Variants in DGKA observed in about 807,000 individuals in gnomAD.
DGKA encodes the protein diacylglycerol kinase alpha, also known as 80 kDa diacylglycerol kinase.
DGKA carries 35 observed loss-of-function variants against 105.0 expected under a neutral mutation model. That is an observed-to-expected ratio of 0.33 (90% CI 0.25 to 0.44). The LOEUF is 0.44. Ranked by LOEUF, DGKA falls within the 20% of genes least tolerant of loss-of-function variation. The probability of loss-of-function intolerance (pLI) is 1.00; values close to 1 mark genes in which losing one functional copy is unlikely to be tolerated. For missense variants in DGKA, 665 were observed against 915.0 expected (o/e 0.73, Z 3.53); for synonymous variants, 296 against 332.0 (o/e 0.89, Z 1.18).
rs1883923444 is a variant in DGKA, at chr12:55,932,843, A to C, written c.-82+1499A>C. 1 of 496,550 alleles carries C rather than the reference A, an allele frequency of 2.0e-6. No homozygotes were observed. The highest frequency in any genetic ancestry group is 3.4e-5 in the Admixed American group (1 of 29,390). The allele number at this position is 496,550 out of a possible 1,614,324, so 30.8% of individuals were successfully genotyped here. On this transcript the variant is annotated intron_variant, in intron 1 of 23. Coordinates refer to ENST00000331886, the MANE Select transcript of DGKA (RefSeq NM_001345.5). This position sits in a 1 kb window ranked among gnomAD's most constrained non-coding sequence, Gnocchi z 4.3. ...GATTCCCTCTTGAGGGCTACCTACT[A>C]GCAGCAACGGTCAGGGAGAGGAGGA...
intron 17 of DGKA, among the ~76,000 whole-genome samples, chr12:55,946,450 A>ATG (rs1268776617): frequency 6.6e-5 from 10 of 152,032 alleles, no homozygotes; most frequent in Non-Finnish European, 1.5e-4. Context: ...TCTGCCTCCC[A>ATG]GGTTCAAGTG....
rs773714429 is a variant in DGKA at position 55,938,683 on chromosome 12, A to G, written c.399+123A>G. ...GATGGGGGGAGAGGTTGAGTCCTCT[A>G]GGACTAAATTTGAAAGTAAGTCCCA... On this transcript the variant is annotated intron_variant, in intron 6 of 23. Transcript: ENST00000331886. 8.8e-6 allele frequency: 14 copies of G among 1,595,920 alleles called. No individual in the cohort carries two copies. In the African/African-American group the frequency reaches 1.7e-4, roughly 20 times the overall value.
At chr12:55,950,692 C>T (rs1887984834) in intron 17 of DGKA, among the ~76,000 whole-genome samples, 1 of 152,016 alleles carries the variant, frequency 6.6e-6, no homozygotes, top group African/African-American at 2.4e-5. Context: ...TCACCCGCCT[C>T]AGCCTCCCAA....
At chr12:55,936,745 C>T (rs1884803392) in intron 2 of DGKA, 178 bp downstream of exon 2, 1 of 986,808 alleles carries the variant, frequency 1.0e-6, no homozygotes, top group Non-Finnish European at 1.6e-6. Flanking sequence ...GAAAAAGATC[C>T]GGATCTACCA....
chr12:55,941,032 A>T (rs749522952), intron 13 of DGKA, 52 bp downstream of exon 13: 7 of 1,576,242 alleles, frequency 4.4e-6, no homozygotes. Flanking sequence ...TTTTCACTGG[A>T]GCCCTCATGG....
intron 1 of DGKA, chr12:55,936,051 G>A: frequency 1.0e-6 from 1 of 986,990 alleles, no homozygotes; most frequent in Non-Finnish European, 1.2e-6. Context: ...AGAGATTGAC[G>A]ATGGTGGAAG....
chr12:55,929,537 G>A (rs1392040522), upstream of DGKA: 1 of 152,284 alleles, frequency 6.6e-6, no homozygotes, highest in Non-Finnish European at 1.5e-5. Context: ...GACCTGCCTG[G>A]GACCCAACCC....
At chr12:55,927,896 C>T (rs1883226897), upstream of DGKA, 1 of 1,174,974 alleles carries the variant, frequency 8.5e-7, no homozygotes. Flanking sequence ...ACCCTGAGTG[C>T]CTCCTCGGGC....
chr12:55,927,641 G>C (rs1883219776), upstream of DGKA: 1 of 1,503,624 alleles, frequency 6.7e-7, no homozygotes, highest in African/African-American at 1.4e-5. Flanking sequence ...GAATTCGTGT[G>C]CCGATTGCTG....
At chr12:55,941,859 C>T (rs1886078491) in intron 15 of DGKA, 139 bp from the exon 16 acceptor site, 8 of 945,986 alleles carry the variant, frequency 8.5e-6, no homozygotes, top group East Asian at 4.9e-5. Context: ...TTTCTGTGAC[C>T]TTCATAGAAA....
Position 55,938,430 on chromosome 12 carries a change from CTT to C in DGKA, c.350-79_350-78del, listed in dbSNP as rs1220267895. The C allele has an allele frequency of 1.2e-5, 19 of 1,571,770 alleles. No individual in the cohort carries two copies. In the East Asian group the frequency reaches 4.1e-4, roughly 34 times the overall value. On this transcript the variant is annotated intron_variant, in intron 5 of 23. Coordinates refer to ENST00000331886, the MANE Select transcript of DGKA (RefSeq NM_001345.5). The stretch of plus-strand genomic sequence containing the variant: ...TCACCCAAAAGCTCTCTCCCTGTCT[CTT>C]TGTTTCCCCCATATTCTGGTATGAA...
intron 17 of DGKA, among the ~76,000 whole-genome samples, chr12:55,946,982 T>C (rs1887146319): frequency 6.8e-6 from 1 of 146,414 alleles, no homozygotes; most frequent in Admixed American, 6.8e-5. Flanking sequence ...CTTCCTTTCT[T>C]TCTTTTTTTT....
At chr12:55,930,689 T>C (rs929673225), upstream of DGKA, 6 of 152,242 alleles carry the variant, frequency 3.9e-5, no homozygotes, top group African/African-American at 1.4e-4. Flanking sequence ...TTTTTATGAT[T>C]GGGGGTGAGA....
chr12:55,932,169 A>C lies in DGKA; in HGVS notation c.-82+825A>C. On this transcript the variant is annotated intron_variant, in intron 1 of 23. Transcript: ENST00000331886. This position sits in a 1 kb window ranked among gnomAD's most constrained non-coding sequence, Gnocchi z 4.3. ...CCAGCGCCCCACCCTCCCCCATCGG[A>C]AAAGGACAGGGGTAGGGAAGCCGAG... 4.7e-6 allele frequency: 1 copy of C among 213,502 alleles called. No individual in the cohort carries two copies. The highest frequency in any genetic ancestry group is 5.3e-5 in the Admixed American group (1 of 18,986). The allele number at this position is 213,502 out of a possible 1,614,324, so 13.2% of individuals were successfully genotyped here. A position where few individuals can be genotyped will look rare whatever the true frequency, so the allele number is the denominator to read the frequency against.
Position 55,950,572 on chromosome 12 carries a change from C to T in DGKA, c.1427-1051C>T, listed in dbSNP as rs551123796. Reference sequence around the variant, plus strand: ...CCGCCCGCCTCGGCCTCCCAAAGTACTGGGATTACAGGTGTGAGCCACTGA... The same window carrying T: ...CCGCCCGCCTCGGCCTCCCAAAGTATTGGGATTACAGGTGTGAGCCACTGA... On this transcript the variant is annotated intron_variant, in intron 17 of 23. Coordinates refer to ENST00000331886, the MANE Select transcript of DGKA (RefSeq NM_001345.5). 3.9e-5 allele frequency among the ~76,000 whole-genome samples: 6 copies of T among 152,234 alleles called. No homozygotes were observed. In the South Asian group the frequency reaches 1.2e-3, roughly 32 times the overall value.
intron 14 of DGKA, 66 bp downstream of exon 14, chr12:55,941,391 G>A: frequency 6.3e-7 from 1 of 1,590,220 alleles, no homozygotes; most frequent in Non-Finnish European, 8.6e-7. Context: ...CTTAGAAGGT[G>A]GAAGGGGATG....
Position 55,932,272 on chromosome 12 carries a change from G to C in DGKA, c.-82+928G>C. The C allele has an allele frequency of 2.0e-6, 1 of 503,916 alleles. No individual in the cohort carries two copies. Among genetic ancestry groups the C allele is most frequent in the Non-Finnish European group, 3.6e-6 (1 of 276,172 alleles). The allele number at this position is 503,916 out of a possible 1,614,324, so 31.2% of individuals were successfully genotyped here. On this transcript the variant is annotated intron_variant, in intron 1 of 23. Coordinates refer to ENST00000331886, the MANE Select transcript of DGKA (RefSeq NM_001345.5). This position sits in a 1 kb window ranked among gnomAD's most constrained non-coding sequence, Gnocchi z 4.3. ...CTGGAGCGGGTATCGAGAAGGGTCTGCGCTGGGACGCGGGGGTGCAGCGGG... is the reference window on the plus strand; with the variant it reads ...CTGGAGCGGGTATCGAGAAGGGTCTCCGCTGGGACGCGGGGGTGCAGCGGG...
intron 9 of DGKA, chr12:55,939,742 A>G: frequency 3.3e-6 from 2 of 605,808 alleles, no homozygotes; most frequent in South Asian, 2.0e-5. Context: ...TTGGTGCAAG[A>G]AAAGTGCTTC....
Position 55,951,878 on chromosome 12 carries a change from C to CTGTG in DGKA, c.1587+96_1587+99dup. On this transcript the variant is annotated intron_variant, in intron 18 of 23. Transcript: ENST00000331886. ...GAAAAGGAGGGGGAGGTTAAGTGACCTGTGACACAGGGAAATTGGGAGTGC... is the reference window on the plus strand; with the variant it reads ...GAAAAGGAGGGGGAGGTTAAGTGACCTGTGTGTGACACAGGGAAATTGGGAGTGC... 5.2e-6 allele frequency: 8 copies of CTGTG among 1,535,944 alleles called. No individual in the cohort carries two copies. In the South Asian group the frequency reaches 9.5e-5, roughly 18 times the overall value.
Sources: allele counts gnomAD v4.1 joint callset (sites outside exome capture counted in the v4.1 genomes callset), GRCh38; gene constraint gnomAD v4.1.1; non-coding constraint Gnocchi (gnomAD v3.1); transcripts MANE v1.5; gene names NCBI Gene and HGNC (gene_info 2026-07-23, HGNC 2026-07-21).